Variants in ERG observed in about 807,000 individuals in gnomAD.
ERG encodes the protein transcriptional regulator ERG.
Under a neutral mutation model 55.3 loss-of-function variants are expected in ERG, and 9 were observed. The observed-to-expected ratio is 0.16, with a 90% confidence interval of 0.10 to 0.28. The LOEUF (loss-of-function observed/expected upper bound fraction) is 0.28, where lower values mean the gene tolerates loss of function less well. ERG is among the 10% of genes least tolerant of loss of function. ERG has a pLI of 1.00. For missense variants in ERG, 434 were observed against 631.6 expected (o/e 0.69, Z 3.35); for synonymous variants, 223 against 237.3 (o/e 0.94, Z 0.55).
At chr21:38,595,236 G>A (rs538381135) in intron 1 of ERG, among the ~76,000 whole-genome samples, 25 of 152,298 alleles carry the variant, frequency 1.6e-4, no homozygotes, top group Admixed American at 1.4e-3. Flanking sequence ...AGATTCATGA[G>A]GCAGGAGACT....
chr21:38,570,419 T>C (rs986881931), intron 2 of ERG, among the ~76,000 whole-genome samples: 26 of 152,216 alleles, frequency 1.7e-4, no homozygotes, highest in African/African-American at 5.8e-4. Context: ...AAGCGCGTTC[T>C]GTTTTCTGTA....
intron 1 of ERG, among the ~76,000 whole-genome samples, chr21:38,616,332 G>T (rs528455925): frequency 6.6e-6 from 1 of 152,112 alleles, no homozygotes; most frequent in Non-Finnish European, 1.5e-5. Flanking sequence ...CTTGATCATT[G>T]GGATTCCTCT....
intron 1 of ERG, among the ~76,000 whole-genome samples, chr21:38,660,108 C>T (rs1164207155): frequency 6.6e-6 from 1 of 152,180 alleles, no homozygotes; most frequent in Non-Finnish European, 1.5e-5. Flanking sequence ...AAGGCGCCGT[C>T]GGGGGTCATT....
chr21:38,427,475 G>A (rs889003987), intron 2 of ERG, among the ~76,000 whole-genome samples: 1 of 152,196 alleles, frequency 6.6e-6, no homozygotes, highest in Non-Finnish European at 1.5e-5. Context: ...GAACTGTGTT[G>A]CTGGCATTGT....
At chr21:38,376,347 G>A (rs1051003881), downstream of ERG, among the ~76,000 whole-genome samples, 1 of 152,172 alleles carries the variant, frequency 6.6e-6, no homozygotes, top group Non-Finnish European at 1.5e-5. Flanking sequence ...CCATGGGACG[G>A]ACACTCAGTT....
intron 2 of ERG, among the ~76,000 whole-genome samples, chr21:38,549,739 T>C (rs1045131187): frequency 3.1e-4 from 47 of 152,008 alleles, no homozygotes; most frequent in Non-Finnish European, 1.0e-4. Flanking sequence ...ACACAGTGTT[T>C]TTTTTAACCT....
chr21:38,466,371 T>TTA lies in ERG; in HGVS notation c.19-20752_19-20751dup, dbSNP rs968984766. 4.6e-5 allele frequency among the ~76,000 whole-genome samples: 7 copies of TTA among 150,578 alleles called. No individual in the cohort carries two copies. The South Asian group carries it at 6.3e-4, about 14-fold the overall frequency. On this transcript the variant is annotated intron_variant, in intron 1 of 9. Coordinates refer to ENST00000288319, the MANE Select transcript of ERG (RefSeq NM_182918.4). ...ATGATATATATGATGTATATATGAT[T>TTA]TATATATATATAAATCATCTCATCT...
intron 1 of ERG, among the ~76,000 whole-genome samples, chr21:38,479,495 G>C (rs1459498728): frequency 6.6e-6 from 1 of 152,130 alleles, no homozygotes; most frequent in African/African-American, 2.4e-5. Context: ...CATAGATTAG[G>C]GTAGGTTCTA....
chr21:38,491,286 G>A (rs566253666), intron 1 of ERG, among the ~76,000 whole-genome samples: 4 of 151,982 alleles, frequency 2.6e-5, no homozygotes, highest in South Asian at 2.1e-4. Flanking sequence ...GCTGGCTGAC[G>A]ATCTGAATGA....
chr21:38,592,377 G>A (rs1311134056), intron 1 of ERG, among the ~76,000 whole-genome samples: 1 of 152,214 alleles, frequency 6.6e-6, no homozygotes, highest in Non-Finnish European at 1.5e-5. Context: ...GAGGAAAGCT[G>A]TGAAGCCAGC....
intron 1 of ERG, among the ~76,000 whole-genome samples, chr21:38,598,644 T>C (rs1032350159): frequency 5.3e-5 from 8 of 151,762 alleles, no homozygotes; most frequent in Middle Eastern, 3.2e-3. Flanking sequence ...CTCTAAGGAG[T>C]GACCTAAATA....
chr21:38,618,617 G>A (rs564615946), intron 1 of ERG, among the ~76,000 whole-genome samples: 132 of 152,298 alleles, frequency 8.7e-4, no homozygotes, highest in African/African-American at 3.1e-3. Flanking sequence ...TTGAGAATAG[G>A]ATTCTTCTAG....
rs558118785 is a variant in ERG, at chr21:38,541,059, G to T, written c.-41+34603C>A. ...GTGTGCTGCAAATTTCACTACACTT[G>T]ACCACAACTTGGAGTGGAAAGGGCA... On this transcript the variant is annotated intron_variant, in intron 2 of 8. Coordinates refer to the ERG transcript ENST00000398897. Among the ~76,000 whole-genome samples, 3 of 152,278 alleles carry T rather than the reference G, an allele frequency of 2.0e-5. No individual in the cohort carries two copies. The East Asian group carries it at 5.8e-4, about 29-fold the overall frequency.
chr21:38,554,004 T>TA (rs150428263), intron 2 of ERG, among the ~76,000 whole-genome samples: 72,410 of 151,070 alleles, frequency 0.48, 19,264 homozygotes, highest in Non-Finnish European at 0.62. Context: ...ACAACTTCTT[T>TA]AAAAAAAATG....
At chr21:38,485,730 T>G (rs1340345057) in intron 1 of ERG, among the ~76,000 whole-genome samples, 1 of 151,784 alleles carries the variant, frequency 6.6e-6, no homozygotes, top group Non-Finnish European at 1.5e-5. Context: ...AGTGCTGGGA[T>G]TACAGGCATG....
intron 1 of ERG, among the ~76,000 whole-genome samples, chr21:38,581,693 C>CA (rs2060029507): frequency 6.6e-6 from 1 of 152,172 alleles, no homozygotes; most frequent in Non-Finnish European, 1.5e-5. Flanking sequence ...GGGGTTAGGA[C>CA]AGCTTCTGGG....
chr21:38,430,236 T>C (rs926825129), intron 2 of ERG, among the ~76,000 whole-genome samples: 5 of 152,240 alleles, frequency 3.3e-5, no homozygotes, highest in African/African-American at 1.2e-4. Context: ...TGTCTATTCA[T>C]GTCCTTAACC....
At chr21:38,456,887 A>G (rs1020254108) in intron 1 of ERG, among the ~76,000 whole-genome samples, 1 of 152,182 alleles carries the variant, frequency 6.6e-6, no homozygotes, top group Non-Finnish European at 1.5e-5. Context: ...CTAATGTTAT[A>G]CGCTGAGCTC....
intron 2 of ERG, among the ~76,000 whole-genome samples, chr21:38,432,248 C>G (rs995537823): frequency 1.3e-5 from 2 of 152,084 alleles, no homozygotes; most frequent in African/African-American, 4.8e-5. Flanking sequence ...GCACGTGCCA[C>G]CACACCCAGC....
Sources: allele counts gnomAD v4.1 joint callset (sites outside exome capture counted in the v4.1 genomes callset), GRCh38; gene constraint gnomAD v4.1.1; transcripts MANE v1.5; gene names NCBI Gene and HGNC (gene_info 2026-07-23, HGNC 2026-07-21).